Variants in SGSM1 observed in about 807,000 individuals in gnomAD.
The protein encoded by SGSM1 is RUN and TBC1 domain containing 2.
SGSM1 carries 73 observed loss-of-function variants against 133.8 expected under a neutral mutation model. The observed-to-expected ratio is 0.55, with a 90% CI of 0.45 to 0.66. The LOEUF is 0.66. Among genes scored for constraint, SGSM1 ranks in the 30% least tolerant of loss-of-function variants. The probability of loss-of-function intolerance (pLI) is 0.00; values close to 1 mark genes in which losing one functional copy is unlikely to be tolerated. For missense variants in SGSM1, 1,213 were observed against 1,448.1 expected (o/e 0.84, Z 2.64); for synonymous variants, 563 against 573.0 (o/e 0.98, Z 0.25).
At chr22:24,899,629 T>C (rs916664410) in intron 19 of SGSM1, among the ~76,000 whole-genome samples, 1 of 151,610 alleles carries the variant, frequency 6.6e-6, no homozygotes, top group Non-Finnish European at 1.5e-5. Context: ...TTCATGCCAT[T>C]CTCTTGCCTC....
chr22:24,883,949 A>C, intron 14 of SGSM1, 104 bp from the exon 15 acceptor site: 4 of 1,391,480 alleles, frequency 2.9e-6, no homozygotes, highest in Non-Finnish European at 3.8e-6. Flanking sequence ...TCAAAACAAA[A>C]ATTTTAAAAA....
rs1279620667 is a variant in SGSM1, at chr22:24,868,529, A to G, written c.1148A>G (p.Gln383Arg). The change falls in exon 11 of 25, where the codon CAG becomes CGG. Residue 383 changes from glutamine to arginine, a missense_variant. Physicochemically the swap from Gln to Arg is conservative, Grantham distance 43. Transcript: ENST00000400358. ...HGQLDPPLWS[Q>R]RGKGKVFPKL... The stretch of plus-strand genomic sequence containing the variant: ...CAGTTGGACCCGCCACTGTGGTCCC[A>G]GAGGGGTAAGGTGAGTGATCATCGG... The G allele has an allele frequency of 6.2e-7, 1 of 1,613,906 alleles. No homozygotes were observed. Among genetic ancestry groups the G allele is most frequent in the Non-Finnish European group, 8.5e-7 (1 of 1,179,860 alleles).
At chr22:24,818,271 A>C (rs1375017907) in intron 2 of SGSM1, among the ~76,000 whole-genome samples, 3 of 151,760 alleles carry the variant, frequency 2.0e-5, no homozygotes, top group Non-Finnish European at 4.4e-5. Context: ...CAAACAAAAA[A>C]CAGTACTAAT....
At chr22:24,821,120 T>C (rs1052672645) in intron 2 of SGSM1, among the ~76,000 whole-genome samples, 7 of 152,174 alleles carry the variant, frequency 4.6e-5, no homozygotes, top group Non-Finnish European at 1.0e-4. Flanking sequence ...CACTGCAACC[T>C]CCACCTCCTG....
chr22:24,863,244 C>T (rs1386932833), intron 9 of SGSM1, among the ~76,000 whole-genome samples: 1 of 152,184 alleles, frequency 6.6e-6, no homozygotes, highest in East Asian at 1.9e-4. Context: ...GCAACCTCCG[C>T]CTCCTGGGTT....
chr22:24,806,906 C>G (rs750828607), intron 2 of SGSM1, among the ~76,000 whole-genome samples: 16 of 152,030 alleles, frequency 1.1e-4, no homozygotes, highest in Non-Finnish European at 1.6e-4. Flanking sequence ...AGGTGGGGCA[C>G]GCTTCAGGAA....
chr22:24,883,721 C>T (rs570876313), intron 14 of SGSM1, among the ~76,000 whole-genome samples: 1 of 152,242 alleles, frequency 6.6e-6, no homozygotes, highest in East Asian at 1.9e-4. Flanking sequence ...CTTTGGGAGG[C>T]TGAAGCAGGA....
chr22:24,854,979 T>A lies in SGSM1; in HGVS notation c.456-17T>A, dbSNP rs1485781163. 6.2e-7 allele frequency: 1 copy of A among 1,610,210 alleles called. No homozygotes were observed. Among genetic ancestry groups the A allele is most frequent in the African/African-American group, 1.3e-5 (1 of 74,836 alleles). On this transcript the variant is annotated splice_polypyrimidine_tract_variant and intron_variant, in intron 5 of 24. Coordinates refer to ENST00000400358, the MANE Select transcript of SGSM1 (RefSeq NM_001098497.3). ...GCTGGTCTCCATCCAAACCTGCATA[T>A]TCTCTCCTCTTGCTAGTAAATACTA...
At chr22:24,884,350 G>A (rs1373259873) in intron 15 of SGSM1, among the ~76,000 whole-genome samples, 152 bp downstream of exon 15, 1 of 152,212 alleles carries the variant, frequency 6.6e-6, no homozygotes, top group Admixed American at 6.5e-5. Context: ...CTCCTTGAGA[G>A]TTCCAAGACC....
chr22:24,810,427 G>A (rs927343771), intron 2 of SGSM1, among the ~76,000 whole-genome samples: 5 of 150,830 alleles, frequency 3.3e-5, no homozygotes, highest in African/African-American at 1.2e-4. Context: ...AGTTAAATCT[G>A]ACCAGCTCTA....
At chr22:24,905,856 C>T (rs563140616) in intron 21 of SGSM1, among the ~76,000 whole-genome samples, 5 of 149,824 alleles carry the variant, frequency 3.3e-5, no homozygotes, top group African/African-American at 4.9e-5. Context: ...TCTTCAAAAA[C>T]GTAGAAAAGG....
chr22:24,836,427 T>C (rs1038236935), intron 2 of SGSM1, among the ~76,000 whole-genome samples: 1 of 152,232 alleles, frequency 6.6e-6, no homozygotes, highest in Non-Finnish European at 1.5e-5. Context: ...TATACAAATA[T>C]GACTTTGAGA....
intron 2 of SGSM1, among the ~76,000 whole-genome samples, chr22:24,810,323 T>C (rs1036762041): frequency 2.7e-5 from 4 of 150,578 alleles, no homozygotes; most frequent in African/African-American, 9.8e-5. Context: ...TAGCCTGAGC[T>C]CCTCCAGGGC....
At chr22:24,844,605 T>C (rs1929986478) in intron 2 of SGSM1, 2 of 408,270 alleles carry the variant, frequency 4.9e-6, no homozygotes, top group African/African-American at 2.0e-5. Context: ...GGGTCTGCCT[T>C]AGACAGTGTG....
At chr22:24,856,003 A>T in intron 8 of SGSM1, 1 of 494,926 alleles carries the variant, frequency 2.0e-6, no homozygotes, top group Non-Finnish European at 3.9e-6. Flanking sequence ...CCATCCACCC[A>T]TCTTTACATC....
chr22:24,840,930 A>G lies in SGSM1; in HGVS notation c.64-3967A>G, dbSNP rs760689707. 4.3e-4 allele frequency among the ~76,000 whole-genome samples: 65 copies of G among 152,250 alleles called. 1 individual carries two copies. In the Middle Eastern group the frequency reaches 0.017, roughly 40 times the overall value. On this transcript the variant is annotated intron_variant, in intron 2 of 24. Coordinates refer to ENST00000400358, the MANE Select transcript of SGSM1 (RefSeq NM_001098497.3). ...CAGTGGCGCTATCTCGGCTCACTGC[A>G]AGCTCCGCCACCCGGGTTCACACCA...
chr22:24,840,952 A>G (rs545457732), intron 2 of SGSM1, among the ~76,000 whole-genome samples: 24 of 151,926 alleles, frequency 1.6e-4, no homozygotes, highest in East Asian at 3.9e-4. Context: ...CCGGGTTCAC[A>G]CCATTCTCTT....
intron 12 of SGSM1, among the ~76,000 whole-genome samples, chr22:24,871,137 T>C (rs1405219088): frequency 1.3e-5 from 2 of 152,218 alleles, no homozygotes; most frequent in African/African-American, 4.8e-5. Flanking sequence ...ACCCACTAGA[T>C]GCCAAGTAGC....
In SGSM1 at chr22:24,924,322, C is replaced by A. The variant is rs1209745068; in HGVS notation, c.*48C>A. 4.5e-6 allele frequency: 7 copies of A among 1,548,080 alleles called. No homozygotes were observed. Among genetic ancestry groups the A allele is most frequent in the Non-Finnish European group, 6.2e-6 (7 of 1,122,772 alleles). The stretch of plus-strand genomic sequence containing the variant: ...TCAGCCAAGCTGCCCCTGCCCCGCT[C>A]CTCTGCTTACTTTTCCTCCTGGCTG... On this transcript the variant is annotated 3_prime_UTR_variant, in exon 25 of 25. Transcript: ENST00000400358.
Sources: allele counts gnomAD v4.1 joint callset (sites outside exome capture counted in the v4.1 genomes callset), GRCh38; gene constraint gnomAD v4.1.1; transcripts MANE v1.5; gene names NCBI Gene and HGNC (gene_info 2026-07-23, HGNC 2026-07-21).